Variants in AAK1 observed in about 807,000 individuals in gnomAD.
The protein encoded by AAK1 is AP2-associated protein kinase 1.
In AAK1, 37 loss-of-function variants were observed where a neutral mutation model predicts 116.0. The observed-to-expected ratio is 0.32, with a 90% CI of 0.25 to 0.42. AAK1 has a LOEUF of 0.42. AAK1 is among the 10% of genes least tolerant of loss of function. The pLI is 1.00. For missense variants in AAK1, 919 were observed against 1,170.6 expected, an observed-to-expected ratio of 0.79 and a Z score of 3.14; for synonymous variants, 458 against 439.9, an observed-to-expected ratio of 1.04 and a Z score of -0.51.
chr2:69,481,046 C>CT (rs1430622754), intron 18 of AAK1, 85 bp from the exon 19 acceptor site: 978 of 1,147,130 alleles, frequency 8.5e-4, no homozygotes, highest in Middle Eastern at 1.0e-3. Flanking sequence ...AAGCTTTCTT[C>CT]TTTTTTTTTA....
intron 10 of AAK1, among the ~76,000 whole-genome samples, chr2:69,523,414 CTAAAATAA>C (rs1442175834): frequency 4.3e-4 from 65 of 152,330 alleles, no homozygotes; most frequent in African/African-American, 1.5e-3. Context: ...AGAGGCACAT[CTAAAATAA>C]CTTCATGTAC....
intron 5 of AAK1, among the ~76,000 whole-genome samples, chr2:69,539,382 C>T (rs1341414853): frequency 6.6e-6 from 1 of 151,656 alleles, no homozygotes; most frequent in Non-Finnish European, 1.5e-5. Context: ...ACAGGATGAA[C>T]TCTAACCCCA....
At chr2:69,480,665 G>A (rs1440896464) in intron 19 of AAK1, among the ~76,000 whole-genome samples, 195 bp downstream of exon 19, 1 of 152,064 alleles carries the variant, frequency 6.6e-6, no homozygotes, top group Non-Finnish European at 1.5e-5. Context: ...GCTCCAAAAA[G>A]TACTCAGTTC....
chr2:69,531,929 G>A, intron 6 of AAK1, 112 bp downstream of exon 6: 2 of 1,483,522 alleles, frequency 1.3e-6, no homozygotes, highest in Non-Finnish European at 1.8e-6. Context: ...TGAGATGAAG[G>A]ACAACTGACT....
At chr2:69,531,246 A>G (rs989963421) in intron 6 of AAK1, among the ~76,000 whole-genome samples, 2 of 152,166 alleles carry the variant, frequency 1.3e-5, no homozygotes, top group African/African-American at 4.8e-5. Flanking sequence ...CACGTCCTCG[A>G]AGTGAGTGTC....
chr2:69,564,309 G>A (rs1034692761), intron 2 of AAK1, among the ~76,000 whole-genome samples: 4 of 152,170 alleles, frequency 2.6e-5, no homozygotes, highest in Admixed American at 6.5e-5. Flanking sequence ...GTGGCTGCAC[G>A]AGGAAAAACT....
At chr2:69,505,111 G>A (rs546997583) in intron 16 of AAK1, among the ~76,000 whole-genome samples, 22 of 133,506 alleles carry the variant, frequency 1.6e-4, no homozygotes, top group African/African-American at 6.3e-4. Context: ...CCCCAACAGC[G>A]TGCGTGCGTG....
intron 3 of AAK1, among the ~76,000 whole-genome samples, chr2:69,546,726 G>C (rs555941283): frequency 2.0e-5 from 3 of 152,182 alleles, no homozygotes; most frequent in African/African-American, 7.2e-5. Context: ...CAATGCAATC[G>C]TATTAAGAGG....
chr2:69,509,275 C>G lies in AAK1; in HGVS notation c.1962G>C (p.Gln654His), dbSNP rs1438939375. The G allele has an allele frequency of 1.2e-6, 2 of 1,613,994 alleles. No homozygotes were observed. The highest frequency in any genetic ancestry group is 2.2e-5 in the South Asian group (2 of 91,078). The part of the protein sequence containing the change: ...VFGVPASKST[Q>H]LLQAAAAEAS... ...CCTCAGCTGCAGCTGCCTGGAGCAG[C>G]TGGGTTGATTTGCTGGCAGGGACCC... Residue 654 changes from glutamine to histidine, a missense_variant, in exon 14 of 22, where the codon CAG becomes CAC. This residue lies in a region of AAK1 where 125 missense variants were observed against 184.1 expected (regional missense o/e 0.68). Transcript: ENST00000409085.
At chr2:69,504,040 G>A (rs2104954977) in intron 16 of AAK1, among the ~76,000 whole-genome samples, 1 of 151,276 alleles carries the variant, frequency 6.6e-6, no homozygotes. Flanking sequence ...CTTCTTTAAT[G>A]ATGTAGGAGA....
At chr2:69,506,289 T>C (rs1267940491) in intron 15 of AAK1, among the ~76,000 whole-genome samples, 2 of 152,212 alleles carry the variant, frequency 1.3e-5, no homozygotes, top group Non-Finnish European at 2.9e-5. Flanking sequence ...ACAACTGGTA[T>C]ACATAACAAT....
At chr2:69,617,858 C>G (rs17036822) in intron 2 of AAK1, among the ~76,000 whole-genome samples, 4,656 of 152,254 alleles carry the variant, frequency 0.031, 241 homozygotes, top group African/African-American at 0.11. Context: ...AAAGAATATA[C>G]AAGGAATAAA....
chr2:69,527,688 A>T (rs1451704655), intron 8 of AAK1, among the ~76,000 whole-genome samples: 5 of 152,196 alleles, frequency 3.3e-5, no homozygotes, highest in African/African-American at 9.7e-5. Context: ...TACTAAACGA[A>T]TGATTATTCT....
rs1014058341 is a variant in AAK1, at chr2:69,531,500, G to A, written c.656+541C>T. The A allele has an allele frequency of 9.4e-6, 8 of 848,382 alleles. No individual in the cohort carries two copies. In the African/African-American group the frequency reaches 1.1e-4, roughly 12 times the overall value. 52.6% of individuals were successfully genotyped at this position (848,382 alleles called of 1,614,324 possible). A position where few individuals can be genotyped will look rare whatever the true frequency, so the allele number is the denominator to read the frequency against. On this transcript the variant is annotated intron_variant, in intron 6 of 21. Transcript: ENST00000409085. Reference sequence around the variant, plus strand: ...AAATCCAACATTGTGGACATGAGGAGAAAATGGGTCAGGCTCTTATTGGAG... The same window carrying A: ...AAATCCAACATTGTGGACATGAGGAAAAAATGGGTCAGGCTCTTATTGGAG...
rs187119631 is a variant in AAK1 at position 69,521,673 on chromosome 2, G to C, written c.1056-685C>G. Among the ~76,000 whole-genome samples the C allele has an allele frequency of 3.3e-5, 5 of 152,300 alleles. No homozygotes were observed. In the East Asian group the frequency reaches 9.6e-4, roughly 29 times the overall value. ...CATTGCCCAGTCTCTTTTGAAAACA[G>C]GTGTGAACCTGTTTCTAAGTCCTGG... is the stretch of plus-strand genomic sequence containing the variant. On this transcript the variant is annotated intron_variant, in intron 10 of 21. Transcript: ENST00000409085.
chr2:69,492,516 TTC>T (rs1675566476), intron 17 of AAK1, among the ~76,000 whole-genome samples: 1 of 107,794 alleles, frequency 9.3e-6, no homozygotes, highest in African/African-American at 3.5e-5. Flanking sequence ...GCCTGGCCAA[TTC>T]TTTTTTTTTT....
At chr2:69,481,153 C>T (rs1675074455) in intron 18 of AAK1, 192 bp from the exon 19 acceptor site, 6 of 451,554 alleles carry the variant, frequency 1.3e-5, no homozygotes, top group Non-Finnish European at 2.4e-5. Flanking sequence ...TGAGCCACTG[C>T]ACCCAGCCAT....
At chr2:69,498,829 C>A (rs1298852633) in intron 16 of AAK1, among the ~76,000 whole-genome samples, 1 of 152,212 alleles carries the variant, frequency 6.6e-6, no homozygotes, top group African/African-American at 2.4e-5. Context: ...GCCCCAGGCC[C>A]AGATATGGAG....
At chr2:69,478,595 G>A (rs781021094) in intron 20 of AAK1, 3 of 231,462 alleles carry the variant, frequency 1.3e-5, no homozygotes, top group South Asian at 1.1e-4. Flanking sequence ...TGGTACCACC[G>A]GTGCATGCTG....
Sources: gnomAD v4.1 joint callset for allele counts (sites outside exome capture counted in the v4.1 genomes callset) on GRCh38, gnomAD v4.1.1 for gene constraint, gnomAD v4.1.1 regional missense constraint, MANE v1.5 for transcripts, NCBI Gene and HGNC (gene_info 2026-07-23, HGNC 2026-07-21) for gene names.